The following WDR93 variants were observed in gnomAD, a reference collection of about 807,000 sequenced individuals.
WDR93 encodes WD repeat domain 93.
Under a neutral mutation model 82.9 loss-of-function variants are expected in WDR93, and 73 were observed. That is an observed-to-expected ratio of 0.88 (90% confidence interval 0.73 to 1.07). The LOEUF (loss-of-function observed/expected upper bound fraction) is 1.07. WDR93 is among the 50% of genes least tolerant of loss of function. The pLI is 0.00. For missense variants in WDR93, 738 were observed against 826.0 expected (o/e 0.89, Z 1.31); for synonymous variants, 283 against 300.1 (o/e 0.94, Z 0.59).
chr15:89,722,884 A>T (rs978952228), intron 8 of WDR93, among the ~76,000 whole-genome samples: 1 of 152,032 alleles, frequency 6.6e-6, no homozygotes, highest in Non-Finnish European at 1.5e-5. Context: ...TTACGGTAGC[A>T]TTATGTACAG....
chr15:89,732,046 G>A (rs1966865323), intron 12 of WDR93, among the ~76,000 whole-genome samples: 1 of 152,140 alleles, frequency 6.6e-6, no homozygotes, highest in Non-Finnish European at 1.5e-5. Context: ...ATTCTGGGTG[G>A]GTGGCACTGT....
At chr15:89,716,655 C>A (rs182952511) in intron 6 of WDR93, among the ~76,000 whole-genome samples, 1 of 152,318 alleles carries the variant, frequency 6.6e-6, no homozygotes, top group African/African-American at 2.4e-5. Context: ...ATCTCCTCAA[C>A]TCTATTCATT....
intron 1 of WDR93, among the ~76,000 whole-genome samples, chr15:89,694,969 GTCAAAAATAAGT>G (rs1479762039): frequency 6.6e-6 from 1 of 152,074 alleles, no homozygotes; most frequent in Non-Finnish European, 1.5e-5. Flanking sequence ...TTGTGCTTGT[GTCAAAAATAAGT>G]TCTCCATATA....
At chr15:89,713,069 G>A (rs1966069537) in intron 5 of WDR93, among the ~76,000 whole-genome samples, 1 of 149,930 alleles carries the variant, frequency 6.7e-6, no homozygotes, top group Non-Finnish European at 1.5e-5. Context: ...GTTGCAGTGA[G>A]CCGAGATCGT....
intron 8 of WDR93, among the ~76,000 whole-genome samples, chr15:89,723,116 G>A (rs552006183): frequency 2.0e-5 from 3 of 152,038 alleles, no homozygotes; most frequent in East Asian, 1.9e-4. Flanking sequence ...CAGTAGAATC[G>A]CTTGAGCCCA....
rs767720430 is a variant in WDR93 at position 89,727,300 on chromosome 15, G to C, written c.1024G>C (p.Asp342His). Residue 342 changes from aspartate (D) to histidine (H), a missense_variant, in exon 9 of 17, where the codon GAT becomes CAT. Physicochemically the swap from Asp to His is moderately conservative, Grantham distance 81. Coordinates refer to ENST00000268130, the MANE Select transcript of WDR93 (RefSeq NM_020212.2). Reference sequence around the variant, plus strand: ...CAACGCTTCCTACAAGAAGTACCTAGATAGGGAGTGGGAGGAAGAGCCACT... The same window carrying C: ...CAACGCTTCCTACAAGAAGTACCTACATAGGGAGTGGGAGGAAGAGCCACT... ...IFNASYKKYL[D>H]REWEEEPLST... 6.2e-7 allele frequency: 1 copy of C among 1,614,108 alleles called. No homozygotes were observed. Among genetic ancestry groups the C allele is most frequent in the South Asian group, 1.1e-5 (1 of 91,074 alleles).
At chr15:89,722,512 C>A (rs2141663680) in intron 8 of WDR93, among the ~76,000 whole-genome samples, 1 of 152,254 alleles carries the variant, frequency 6.6e-6, no homozygotes, top group Non-Finnish European at 1.5e-5. Flanking sequence ...GCCCATAATG[C>A]ACCAAGCACA....
chr15:89,690,886 G>A lies in WDR93; in HGVS notation c.-41+29G>A, dbSNP rs866485835. ...AGCAAAACTGATCTTACCTTTGGATGCCGGGGCTCCCCTCGAGTCCCAGGA... is the reference window on the plus strand; with the variant it reads ...AGCAAAACTGATCTTACCTTTGGATACCGGGGCTCCCCTCGAGTCCCAGGA... On this transcript the variant is annotated intron_variant, in intron 1 of 16. Coordinates refer to ENST00000268130, the MANE Select transcript of WDR93 (RefSeq NM_020212.2). 3.4e-5 allele frequency: 16 copies of A among 472,774 alleles called. 1 individual carries two copies. In the Middle Eastern group the frequency reaches 2.9e-3, roughly 86 times the overall value. 29.3% of individuals were successfully genotyped at this position (472,774 alleles called of 1,614,324 possible). A position where few individuals can be genotyped will look rare whatever the true frequency, so the allele number is the denominator to read the frequency against.
intron 14 of WDR93, among the ~76,000 whole-genome samples, chr15:89,737,012 C>T (rs4932247): frequency 0.65 from 98,077 of 151,984 alleles, 31,907 homozygotes; most frequent in East Asian, 0.69. Context: ...AGGATGGTCT[C>T]GATCTCCTGA....
chr15:89,704,550 G>A (rs1965640409), intron 3 of WDR93: 2 of 152,216 alleles, frequency 1.3e-5, no homozygotes, highest in Admixed American at 6.5e-5. Flanking sequence ...AAGTGTGCCT[G>A]GGGGGCAATG....
At chr15:89,715,286 A>C (rs1016269382) in intron 6 of WDR93, among the ~76,000 whole-genome samples, 191 bp downstream of exon 6, 1 of 152,164 alleles carries the variant, frequency 6.6e-6, no homozygotes, top group Non-Finnish European at 1.5e-5. Context: ...AGGTGTCTTC[A>C]GTAGTGGGAA....
chr15:89,716,563 T>C (rs1966262359), intron 6 of WDR93, among the ~76,000 whole-genome samples: 1 of 152,236 alleles, frequency 6.6e-6, no homozygotes, highest in Admixed American at 6.5e-5. Context: ...GTTACTTAAA[T>C]GTAATTCTCA....
intron 8 of WDR93, among the ~76,000 whole-genome samples, chr15:89,725,567 TTTC>T (rs1398113185): frequency 7.5e-5 from 9 of 119,922 alleles, no homozygotes; most frequent in African/African-American, 1.7e-4. Flanking sequence ...TCTTTTTTCT[TTTC>T]TTTTTTTTTT....
intron 8 of WDR93, among the ~76,000 whole-genome samples, chr15:89,724,994 G>C (rs1229873591): frequency 6.6e-6 from 1 of 152,144 alleles, no homozygotes; most frequent in African/African-American, 2.4e-5. Context: ...CAGTTTGCCT[G>C]ACTGAGGGGT....
chr15:89,730,235 G>GA (rs1966848287), intron 11 of WDR93, among the ~76,000 whole-genome samples: 2 of 149,800 alleles, frequency 1.3e-5, no homozygotes, highest in South Asian at 4.2e-4. Context: ...TGAGGCAGGA[G>GA]AATCACATGA....
At chr15:89,722,225 T>C (rs1966557297) in intron 8 of WDR93, 86 bp downstream of exon 8, 3 of 1,069,874 alleles carry the variant, frequency 2.8e-6, no homozygotes, top group Admixed American at 2.6e-5. Context: ...TTCAACTTAT[T>C]AGCAACGATA....
chr15:89,696,207 A>C (rs1294859261), intron 1 of WDR93, among the ~76,000 whole-genome samples: 1 of 152,216 alleles, frequency 6.6e-6, no homozygotes, highest in African/African-American at 2.4e-5. Flanking sequence ...ATTTTTGAGA[A>C]TGCTGTATAA....
intron 4 of WDR93, among the ~76,000 whole-genome samples, chr15:89,707,190 G>C (rs1213999198): frequency 6.6e-6 from 1 of 152,154 alleles, no homozygotes; most frequent in Non-Finnish European, 1.5e-5. Flanking sequence ...TTAGTCATTA[G>C]GGAGGTGGAA....
intron 7 of WDR93, among the ~76,000 whole-genome samples, chr15:89,719,808 CT>C (rs570342709): frequency 6.9e-5 from 10 of 144,714 alleles, no homozygotes; most frequent in Admixed American, 7.0e-5. Flanking sequence ...TTCTTTTTTT[CT>C]TTTTTTTTTG....
Sources: allele counts gnomAD v4.1 joint callset (sites outside exome capture counted in the v4.1 genomes callset), GRCh38; gene constraint gnomAD v4.1.1; transcripts MANE v1.5; gene names NCBI Gene and HGNC (gene_info 2026-07-23, HGNC 2026-07-21).